Variants in ADAM22 observed in about 807,000 individuals in gnomAD.
The protein encoded by ADAM22 is ADAM metallopeptidase domain 22.
A neutral mutation model predicts 144.6 loss-of-function variants in ADAM22; 65 were observed. The observed-to-expected ratio is 0.45, with a 90% CI of 0.37 to 0.55. The LOEUF (loss-of-function observed/expected upper bound fraction) is 0.55. ADAM22 is among the 20% of genes least tolerant of loss of function. The probability of loss-of-function intolerance (pLI) is 0.00; values close to 1 mark genes in which losing one functional copy is unlikely to be tolerated. For synonymous variants in ADAM22, 391 were observed against 412.6 expected, an observed-to-expected ratio of 0.95 and a Z score of 0.63; for missense variants, 974 against 1,184.9, an observed-to-expected ratio of 0.82 and a Z score of 2.61.
chr7:88,017,486 T>C (rs2129462954), intron 3 of ADAM22, among the ~76,000 whole-genome samples: 1 of 152,306 alleles, frequency 6.6e-6, no homozygotes, highest in East Asian at 1.9e-4. Flanking sequence ...AAATACTTAC[T>C]CTCTCTGAAT....
chr7:87,962,006 A>G (rs1216579874), intron 2 of ADAM22, among the ~76,000 whole-genome samples: 2 of 152,224 alleles, frequency 1.3e-5, no homozygotes, highest in Non-Finnish European at 2.9e-5. Context: ...TGTCTGCCTT[A>G]TAGATAATGC....
chr7:88,192,936 A>T (rs1347303330), intron 30 of ADAM22, among the ~76,000 whole-genome samples, 180 bp from the exon 31 acceptor site: 1 of 152,218 alleles, frequency 6.6e-6, no homozygotes, highest in African/African-American at 2.4e-5. Context: ...TGAAATTAGG[A>T]AGATAAAATT....
chr7:88,097,151 CTTTTTTT>C (rs1169759079), intron 4 of ADAM22, among the ~76,000 whole-genome samples: 2 of 129,220 alleles, frequency 1.5e-5, no homozygotes, highest in Non-Finnish European at 3.3e-5. Context: ...TTTTTCTTTT[CTTTTTTT>C]TTTTTTTTTT....
chr7:88,174,752 A>G (rs1480393832), intron 26 of ADAM22, among the ~76,000 whole-genome samples: 1 of 152,096 alleles, frequency 6.6e-6, no homozygotes, highest in Non-Finnish European at 1.5e-5. Context: ...ATTAGATTAT[A>G]TCTTTTTGAT....
chr7:88,105,047 GAATTATT>G (rs1823989083), intron 4 of ADAM22, among the ~76,000 whole-genome samples: 1 of 152,006 alleles, frequency 6.6e-6, no homozygotes, highest in African/African-American at 2.4e-5. Flanking sequence ...TTTAAAAAAT[GAATTATT>G]TGTCCTTTTT....
intron 2 of ADAM22, among the ~76,000 whole-genome samples, chr7:87,938,929 G>A (rs1466920995): frequency 6.6e-6 from 1 of 152,226 alleles, no homozygotes; most frequent in Non-Finnish European, 1.5e-5. Flanking sequence ...GATTACAGGC[G>A]TGAACCACCG....
intron 3 of ADAM22, among the ~76,000 whole-genome samples, chr7:88,006,286 GACCAGATGGATTC>G (rs1208761592): frequency 6.6e-6 from 1 of 152,106 alleles, no homozygotes; most frequent in Non-Finnish European, 1.5e-5. Flanking sequence ...AAGTGTCCAG[GACCAGATGGATTC>G]ACAGCCGAAT....
At chr7:88,026,370 A>G (rs1585097990) in intron 3 of ADAM22, among the ~76,000 whole-genome samples, 1 of 152,292 alleles carries the variant, frequency 6.6e-6, no homozygotes, top group East Asian at 1.9e-4. Context: ...GAGATGTCAC[A>G]ATAACTTATT....
intron 22 of ADAM22, among the ~76,000 whole-genome samples, chr7:88,156,746 G>C (rs1224020793): frequency 6.6e-6 from 1 of 152,100 alleles, no homozygotes; most frequent in Non-Finnish European, 1.5e-5. Flanking sequence ...ATACTCTATA[G>C]AGAATAAACG....
chr7:87,977,098 A>G (rs1453019404), intron 2 of ADAM22, among the ~76,000 whole-genome samples: 2 of 152,090 alleles, frequency 1.3e-5, no homozygotes, highest in East Asian at 3.9e-4. Flanking sequence ...GCTGAGAGGT[A>G]CCCAGGTAGT....
At chr7:88,193,279 ATTATCAT>A in intron 31 of ADAM22, 40 bp downstream of exon 31, 1 of 1,599,720 alleles carries the variant, frequency 6.3e-7, no homozygotes, top group Non-Finnish European at 8.5e-7. Flanking sequence ...ATGCTCAGTC[ATTATCAT>A]TTATCTATGA....
chr7:88,193,341 A>C lies in ADAM22; in HGVS notation c.2874+102A>C, dbSNP rs988718268. On this transcript the variant is annotated intron_variant, in intron 31 of 31. Transcript: ENST00000413139. ...GAACCATTTTTCCTCCCTTGTTCCT[A>C]AGAAAATGAAAAAATCAAACTTGAA... 63 of 1,336,830 alleles carry C rather than the reference A, an allele frequency of 4.7e-5. No homozygotes were observed. In the Middle Eastern group the frequency reaches 1.1e-3, roughly 24 times the overall value. The allele number at this position is 1,336,830 out of a possible 1,614,324, so 82.8% of individuals were successfully genotyped here.
chr7:88,044,345 G>A (rs924440537), intron 3 of ADAM22, among the ~76,000 whole-genome samples: 1 of 152,164 alleles, frequency 6.6e-6, no homozygotes. Context: ...TATCTGCTCT[G>A]TTATGTGGTT....
At chr7:87,991,092 C>A (rs972837734) in intron 3 of ADAM22, among the ~76,000 whole-genome samples, 5 of 152,128 alleles carry the variant, frequency 3.3e-5, no homozygotes, top group African/African-American at 9.6e-5. Flanking sequence ...TTTATAGAAG[C>A]CCTTTTGATT....
chr7:87,978,047 T>C (rs576567271), intron 2 of ADAM22, among the ~76,000 whole-genome samples: 5 of 152,332 alleles, frequency 3.3e-5, no homozygotes, highest in Admixed American at 1.3e-4. Context: ...TAAAATCAGA[T>C]AAGATGAATG....
chr7:87,957,884 G>C (rs1225914294), intron 2 of ADAM22, among the ~76,000 whole-genome samples: 1 of 151,988 alleles, frequency 6.6e-6, no homozygotes, highest in Admixed American at 6.6e-5. Flanking sequence ...TGTCTGGTCT[G>C]TTTTCATACT....
intron 3 of ADAM22, among the ~76,000 whole-genome samples, chr7:87,980,647 T>C (rs958499081): frequency 2.6e-5 from 4 of 152,170 alleles, no homozygotes; most frequent in Admixed American, 2.6e-4. Context: ...CATTACATAA[T>C]GTTTCTTCTT....
At chr7:88,149,474 G>A (rs1415887760) in intron 18 of ADAM22, among the ~76,000 whole-genome samples, 5 of 152,040 alleles carry the variant, frequency 3.3e-5, no homozygotes, top group Non-Finnish European at 7.4e-5. Flanking sequence ...AGCTTGCATC[G>A]CCTCAGCCAT....
intron 4 of ADAM22, among the ~76,000 whole-genome samples, chr7:88,100,585 G>T (rs1822644460): frequency 6.6e-6 from 1 of 152,178 alleles, no homozygotes; most frequent in Non-Finnish European, 1.5e-5. Flanking sequence ...ATCGGGATAG[G>T]TTGGTGGATC....
Sources: gnomAD v4.1 joint callset for allele counts (sites outside exome capture counted in the v4.1 genomes callset) on GRCh38, gnomAD v4.1.1 for gene constraint, MANE v1.5 for transcripts, NCBI Gene and HGNC (gene_info 2026-07-23, HGNC 2026-07-21) for gene names.